The following IQSEC3 variants were observed in gnomAD, a reference collection of about 807,000 sequenced individuals.
IQSEC3 encodes IQ motif and SEC7 domain-containing protein 3.
IQSEC3 carries 50 observed loss-of-function variants against 105.4 expected under a neutral mutation model. The ratio of observed to expected loss-of-function variants is 0.47; its 90% CI spans 0.38 to 0.60. IQSEC3 has a LOEUF of 0.60. IQSEC3 is among the 20% of genes least tolerant of loss of function. The pLI, the probability that IQSEC3 is intolerant of heterozygous loss-of-function variation, is 0.00. For missense variants in IQSEC3, 1,415 were observed against 1,630.0 expected (o/e 0.87, Z 2.27); for synonymous variants, 708 against 746.0 (o/e 0.95, Z 0.83).
intron 1 of IQSEC3, among the ~76,000 whole-genome samples, chr12:90,312 T>A (rs1037008539): frequency 6.6e-6 from 1 of 152,232 alleles, no homozygotes. Context: ...AAGAGAAAAA[T>A]TGATGTACCT....
At chr12:69,683 G>T (rs144118110) in intron 1 of IQSEC3, among the ~76,000 whole-genome samples, 276 of 152,310 alleles carry the variant, frequency 1.8e-3, no homozygotes, top group Non-Finnish European at 3.2e-3. Context: ...CCTTGGATGT[G>T]AAAACATGGT....
At position 141,159 on chromosome 12, in the gene IQSEC3, G is replaced by T; in HGVS notation, c.2027G>T (p.Arg676Leu). ...PDKGIQFLIS[R>L]GFIPDTPIGV... ...AAGGGCATCCAGTTCCTGATCTCAC[G>T]CGGCTTCATCCCGGACACCCCCATC... Residue 676 changes from arginine to leucine, a missense_variant, in exon 5 of 14, where the codon CGC (arginine) becomes CTC (leucine). This residue lies in a region of IQSEC3 where 213 missense variants were observed against 306.2 expected (regional missense o/e 0.70). Coordinates refer to ENST00000538872, the MANE Select transcript of IQSEC3 (RefSeq NM_001170738.2). 1 of 1,538,664 alleles carries T rather than the reference G, an allele frequency of 6.5e-7. No homozygotes were observed. Among genetic ancestry groups the T allele is most frequent in the Non-Finnish European group, 8.8e-7 (1 of 1,137,362 alleles).
chr12:159,699 C>A (rs1019856896), intron 7 of IQSEC3, among the ~76,000 whole-genome samples: 1 of 152,228 alleles, frequency 6.6e-6, no homozygotes, highest in Admixed American at 6.5e-5. Flanking sequence ...GATGATGCAT[C>A]TTGCTACAGT....
chr12:99,065 G>C lies in IQSEC3; in HGVS notation c.555-81G>C, dbSNP rs905531562. 17 of 1,310,822 alleles carry C rather than the reference G, an allele frequency of 1.3e-5. No homozygotes were observed. The African/African-American group carries it at 2.2e-4, about 17-fold the overall frequency. 81.2% of individuals were successfully genotyped at this position (1,310,822 alleles called of 1,614,324 possible). A position where few individuals can be genotyped will look rare whatever the true frequency, so the allele number is the denominator to read the frequency against. ...CGGGGGTAGGAGCAGCAAGATTTCA[G>C]GGCAGAAATGCTTTAGTGTCAGGCA... On this transcript the variant is annotated intron_variant, in intron 1 of 13. Coordinates refer to ENST00000538872, the MANE Select transcript of IQSEC3 (RefSeq NM_001170738.2).
rs782030422 is a variant in IQSEC3, at chr12:163,596, T to A, written c.2686T>A (p.Phe896Ile). The change falls in exon 9 of 14, where the codon TTC (phenylalanine) becomes ATC (isoleucine). Residue 896 changes from phenylalanine (F) to isoleucine (I), a missense_variant. Physicochemically the swap from Phe to Ile is conservative, Grantham distance 21 (BLOSUM62 0). Coordinates refer to ENST00000538872, the MANE Select transcript of IQSEC3 (RefSeq NM_001170738.2). ...GCAGGCAGCGCATCAGAGGGAGGTG[T>A]TCCTCTTCAATGACCTGCTGGTGGT... The part of the protein sequence containing the change: ...QKQAAHQREV[F>I]LFNDLLVILK... 1.3e-6 allele frequency: 2 copies of A among 1,569,424 alleles called. No individual in the cohort carries two copies. The highest frequency in any genetic ancestry group is 2.2e-5 in the South Asian group (2 of 90,190).
chr12:143,023 G>A (rs1201737856), intron 5 of IQSEC3, among the ~76,000 whole-genome samples: 3 of 152,180 alleles, frequency 2.0e-5, no homozygotes, highest in African/African-American at 7.2e-5. Flanking sequence ...TGTGGCCTGC[G>A]CCCTAAATTC....
intron 7 of IQSEC3, among the ~76,000 whole-genome samples, chr12:158,429 A>C (rs1307128435): frequency 1.3e-5 from 2 of 152,096 alleles, no homozygotes; most frequent in African/African-American, 4.8e-5. Context: ...TGAGTGTGTA[A>C]GCCTGAAGTT....
chr12:80,868 G>A (rs986334324), intron 1 of IQSEC3, among the ~76,000 whole-genome samples: 3 of 152,172 alleles, frequency 2.0e-5, no homozygotes, highest in Non-Finnish European at 4.4e-5. Flanking sequence ...GCTGTCTGGG[G>A]ACGGGCATTC....
Position 95,191 on chromosome 12 carries a change from G to C in IQSEC3, c.555-3955G>C, listed in dbSNP as rs190319665. On this transcript the variant is annotated intron_variant, in intron 1 of 13. Transcript: ENST00000538872. ...GGAAGACTGACCTGGAATTTTGGCC[G>C]GGGAACCACTGTAGGTAAATGACTT... Among the ~76,000 whole-genome samples the C allele has an allele frequency of 6.0e-4, 91 of 152,300 alleles. 1 individual carries two copies. Among genetic ancestry groups the C allele is most frequent in the African/African-American group, 2.1e-3 (86 of 41,562 alleles).
intron 13 of IQSEC3, 78 bp downstream of exon 13, chr12:171,239 C>G (rs1555100175): frequency 6.2e-7 from 1 of 1,613,972 alleles, no homozygotes; most frequent in Non-Finnish European, 8.5e-7. Flanking sequence ...TGTTGTTTCT[C>G]TTCTCAGGTA....
In IQSEC3 at chr12:139,268, G is replaced by A; in HGVS notation, c.1905G>A (p.Glu635=). 1.2e-6 allele frequency: 2 copies of A among 1,610,352 alleles called. No homozygotes were observed. Among genetic ancestry groups the A allele is most frequent in the Non-Finnish European group, 1.7e-6 (2 of 1,178,716 alleles). ...TGAGCCTGCCGCGCTACCACTGCGA[G>A]AACCCAGCCAGCTGCAAGTCGCCCA... is the stretch of plus-strand genomic sequence containing the variant. ...MILSLPRYHC[E]NPASCKSPTL... is the part of the protein sequence containing the mutation. Residue 635 remains glutamate, a synonymous_variant, in exon 4 of 14, where the codon GAG becomes GAA. Coordinates refer to ENST00000538872, the MANE Select transcript of IQSEC3 (RefSeq NM_001170738.2).
At chr12:127,495 G>A (rs1308774233) in intron 3 of IQSEC3, among the ~76,000 whole-genome samples, 9 of 151,896 alleles carry the variant, frequency 5.9e-5, no homozygotes, top group East Asian at 1.9e-4. Context: ...CAGCCTGGGC[G>A]ACAGAGTGAG....
At chr12:109,577 G>A (rs1656517386) in intron 2 of IQSEC3, among the ~76,000 whole-genome samples, 2 of 151,682 alleles carry the variant, frequency 1.3e-5, no homozygotes, top group Admixed American at 1.3e-4. Context: ...TATTCCTCAG[G>A]CAGCCTGATC....
At position 163,548 on chromosome 12, in the gene IQSEC3, A is replaced by G. The variant is rs1380809423; in HGVS notation, c.2638A>G (p.Thr880Ala). The G allele has an allele frequency of 1.9e-6, 3 of 1,611,610 alleles. No individual in the cohort carries two copies. Among genetic ancestry groups the G allele is most frequent in the Non-Finnish European group, 2.5e-6 (3 of 1,179,314 alleles). ...GTGCTGCAGCCGGCTCTTCGAGGTG[A>G]CGGATGTGAACAAGCTGCAGAAGCA... ...LVCCSRLFEVTDVNKLQKQAA... is the reference protein window; with the variant it reads ...LVCCSRLFEVADVNKLQKQAA... Residue 880 changes from threonine to alanine, a missense_variant, in exon 9 of 14, where the codon ACG (threonine) becomes GCG (alanine). Thr to Ala is a moderately conservative substitution (Grantham distance 58). Coordinates refer to ENST00000538872, the MANE Select transcript of IQSEC3 (RefSeq NM_001170738.2).
intron 1 of IQSEC3, among the ~76,000 whole-genome samples, chr12:94,906 G>T (rs1297257140): frequency 6.6e-6 from 1 of 152,220 alleles, no homozygotes; most frequent in Non-Finnish European, 1.5e-5. Flanking sequence ...GATGGCTTTT[G>T]TCAGGAATTC....
At position 125,620 on chromosome 12, in the gene IQSEC3, CT is replaced by C. The variant is rs1207694683; in HGVS notation, c.624-11del. The C allele has an allele frequency of 5.4e-6, 8 of 1,488,234 alleles. No individual in the cohort carries two copies. The highest frequency in any genetic ancestry group is 7.1e-6 in the Non-Finnish European group (8 of 1,129,940). The allele number at this position is 1,488,234 out of a possible 1,614,324, so 92.2% of individuals were successfully genotyped here. A position where few individuals can be genotyped will look rare whatever the true frequency, so the allele number is the denominator to read the frequency against. On this transcript the variant is annotated splice_polypyrimidine_tract_variant and intron_variant, in intron 2 of 13. Coordinates refer to ENST00000538872, the MANE Select transcript of IQSEC3 (RefSeq NM_001170738.2). ...CTCTCCCCCAACCGAGCACCGTTGC[CT>C]TCTGTTCACAGTGATGGCTCCTGCA...
At chr12:146,718 G>GGGA (rs1468562611) in intron 5 of IQSEC3, among the ~76,000 whole-genome samples, 9 of 151,974 alleles carry the variant, frequency 5.9e-5, no homozygotes, top group Admixed American at 4.6e-4. Context: ...GAGGGAGGGA[G>GGGA]GGAGGAGGAA....
intron 2 of IQSEC3, among the ~76,000 whole-genome samples, chr12:108,755 T>C (rs1385281059): frequency 6.6e-6 from 1 of 152,282 alleles, no homozygotes; most frequent in Non-Finnish European, 1.5e-5. Flanking sequence ...GGTCTGGCTC[T>C]GGGCCAACAG....
chr12:71,688 A>T (rs1863325272), intron 1 of IQSEC3, among the ~76,000 whole-genome samples: 1 of 152,254 alleles, frequency 6.6e-6, no homozygotes, highest in Non-Finnish European at 1.5e-5. Context: ...CTAAGTCCCT[A>T]CCCATGAGGC....
Sources: gnomAD v4.1 joint callset for allele counts (sites outside exome capture counted in the v4.1 genomes callset) on GRCh38, gnomAD v4.1.1 for gene constraint, gnomAD v4.1.1 regional missense constraint, MANE v1.5 for transcripts, NCBI Gene and HGNC (gene_info 2026-07-23, HGNC 2026-07-21) for gene names.